Variants in WIF1 observed in about 807,000 individuals in gnomAD.
WIF1 encodes Wnt inhibitory factor 1.
In WIF1, 35 loss-of-function variants were observed where a neutral mutation model predicts 53.5. The ratio of observed to expected loss-of-function variants is 0.65; its 90% CI spans 0.50 to 0.87. The LOEUF (loss-of-function observed/expected upper bound fraction) is 0.87, where lower values mean the gene tolerates loss of function less well. Among genes scored for constraint, WIF1 ranks in the 40% least tolerant of loss-of-function variants. WIF1 has a pLI of 0.00. For missense variants in WIF1, 467 were observed against 476.8 expected, an observed-to-expected ratio of 0.98 and a Z score of 0.19; for synonymous variants, 171 against 170.4, an observed-to-expected ratio of 1.00 and a Z score of -0.03.
chr12:65,078,708 C>T (rs1882901403), intron 2 of WIF1, among the ~76,000 whole-genome samples: 3 of 152,118 alleles, frequency 2.0e-5, no homozygotes, highest in Admixed American at 2.0e-4. Context: ...CACAATAAGA[C>T]AACAAGCCAT....
intron 6 of WIF1, among the ~76,000 whole-genome samples, chr12:65,063,024 T>A (rs779930806): frequency 1.3e-5 from 2 of 152,146 alleles, no homozygotes; most frequent in African/African-American, 4.8e-5. Flanking sequence ...AAAAAGCAAC[T>A]TTCTTTCAGG....
intron 3 of WIF1, 109 bp from the exon 4 acceptor site, chr12:65,069,013 G>A: frequency 8.1e-7 from 1 of 1,234,536 alleles, no homozygotes; most frequent in Non-Finnish European, 1.1e-6. Flanking sequence ...ATGTTCACAT[G>A]TTGTGGATTT....
chr12:65,067,044 C>G (rs545810056), intron 5 of WIF1, among the ~76,000 whole-genome samples: 1 of 152,032 alleles, frequency 6.6e-6, no homozygotes, highest in East Asian at 1.9e-4. Context: ...AATATTTTCA[C>G]TTTGCCCCAT....
At chr12:65,086,691 T>C (rs1415025662) in intron 2 of WIF1, among the ~76,000 whole-genome samples, 1 of 141,512 alleles carries the variant, frequency 7.1e-6, no homozygotes, top group African/African-American at 2.5e-5. Context: ...ATCTCTTTCC[T>C]AGTGTTTCTT....
Position 65,066,668 on chromosome 12 carries a change from C to G in WIF1, c.703G>C (p.Gly235Arg). The G allele has an allele frequency of 1.9e-6, 3 of 1,610,262 alleles. No homozygotes were observed. Among genetic ancestry groups the G allele is most frequent in the Non-Finnish European group, 2.5e-6 (3 of 1,178,020 alleles). The change falls in exon 6 of 10, where the codon GGA (glycine) becomes CGA (arginine). Residue 235 changes from glycine (G) to arginine (R), a missense_variant. Gly to Arg is a moderately radical substitution (Grantham distance 125, BLOSUM62 -2). Transcript: ENST00000286574. ...TTGTCACAGTTCACTCCATAGAATC[C>G]AGGTGGGCAGATGCAGAAACCAGGA... ...VTPGFCICPP[G>R]FYGVNCDKAN...
At chr12:65,081,394 A>T (rs1404138239) in intron 2 of WIF1, among the ~76,000 whole-genome samples, 1 of 152,172 alleles carries the variant, frequency 6.6e-6, no homozygotes. Context: ...GGCCAGAAAC[A>T]TAACTTCACA....
At position 65,114,645 on chromosome 12, in the gene WIF1, G is replaced by A. The variant is rs115507091; in HGVS notation, c.288+5772C>T. 7.1e-3 allele frequency among the ~76,000 whole-genome samples: 1,082 copies of A among 152,274 alleles called. 9 individuals are homozygous for A. Among genetic ancestry groups the A allele is most frequent in the African/African-American group, 0.024 (996 of 41,562 alleles). ...AACTCATTTGTAATAAACCTTACAT[G>A]TTGGAAAATGTTTCACTTGATACGC... On this transcript the variant is annotated intron_variant, in intron 2 of 9. Transcript: ENST00000286574.
intron 9 of WIF1, chr12:65,054,019 C>T (rs1882485790): frequency 6.7e-6 from 1 of 150,310 alleles, no homozygotes; most frequent in Non-Finnish European, 1.5e-5. Flanking sequence ...CAGTTTGTAT[C>T]CATTACTTTG....
chr12:65,100,539 C>T (rs944906499), intron 2 of WIF1, among the ~76,000 whole-genome samples: 2 of 152,136 alleles, frequency 1.3e-5, no homozygotes, highest in African/African-American at 4.8e-5. Context: ...ACGAGCCATT[C>T]AGCAATAATG....
At chr12:65,061,303 AATACACTACTAT>A (rs1882608384) in intron 7 of WIF1, among the ~76,000 whole-genome samples, 1 of 152,216 alleles carries the variant, frequency 6.6e-6, no homozygotes, top group Non-Finnish European at 1.5e-5. Context: ...TTCAATCTAC[AATACACTACTAT>A]ATACACTACT....
At chr12:65,068,685 G>C in intron 4 of WIF1, 79 bp downstream of exon 4, 3 of 1,128,774 alleles carry the variant, frequency 2.7e-6, no homozygotes, top group Non-Finnish European at 2.5e-6. Context: ...GTGTGTGTGT[G>C]TATAGATATA....
chr12:65,099,331 C>T (rs1490395564), intron 2 of WIF1, among the ~76,000 whole-genome samples: 2 of 152,194 alleles, frequency 1.3e-5, no homozygotes, highest in South Asian at 4.1e-4. Flanking sequence ...TTCCCTCCAT[C>T]AGACCTGCCC....
intron 2 of WIF1, among the ~76,000 whole-genome samples, chr12:65,109,638 T>C (rs998839232): frequency 5.3e-5 from 8 of 152,256 alleles, no homozygotes; most frequent in Admixed American, 4.6e-4. Flanking sequence ...CTTTGAATTG[T>C]TACTTTTTGG....
intron 9 of WIF1, among the ~76,000 whole-genome samples, chr12:65,054,302 G>C (rs566227742): frequency 1.2e-3 from 183 of 152,248 alleles, no homozygotes; most frequent in Admixed American, 3.3e-3. Context: ...AGGAGACTGA[G>C]TTCTAGCTGC....
rs1250729336 is a variant in WIF1 at position 65,121,086 on chromosome 12, G to T, written c.106C>A (p.Leu36Met). 19 of 1,545,850 alleles carry T rather than the reference G, an allele frequency of 1.2e-5. No individual in the cohort carries two copies. The highest frequency in any genetic ancestry group is 5.9e-5 in the Admixed American group (3 of 50,550). ...AEAGPPQEES[L>M]YLWIDAHQAR... ...TGGTGAGCATCGATCCATAGGTACA[G>T]GCTCTCCTCCTGCGGCGGCCCGGCC... Residue 36 changes from leucine to methionine, a missense_variant, in exon 1 of 10, where the codon CTG becomes ATG. Coordinates refer to ENST00000286574, the MANE Select transcript of WIF1 (RefSeq NM_007191.5).
chr12:65,071,204 A>G (rs1036304539), intron 3 of WIF1, among the ~76,000 whole-genome samples: 11 of 143,314 alleles, frequency 7.7e-5, no homozygotes, highest in Middle Eastern at 7.5e-3. Context: ...ACTGCAGTCC[A>G]GCCTGGGCAA....
chr12:65,106,373 A>ATATATATATATTTTTT (rs1555188075), intron 2 of WIF1, among the ~76,000 whole-genome samples: 2 of 142,402 alleles, frequency 1.4e-5, no homozygotes, highest in African/African-American at 5.5e-5. Context: ...ATATATATAT[A>ATATATATATATTTTTT]TTTTTTTTTA....
At chr12:65,079,236 G>GAATATCGCC (rs59622206) in intron 2 of WIF1, among the ~76,000 whole-genome samples, 4,551 of 150,878 alleles carry the variant, frequency 0.03, 236 homozygotes, top group African/African-American at 0.11. Flanking sequence ...CAAGAAAAGG[G>GAATATCGCC]ATCAATGTTA....
At chr12:65,081,101 A>G (rs1882941997) in intron 2 of WIF1, among the ~76,000 whole-genome samples, 1 of 149,790 alleles carries the variant, frequency 6.7e-6, no homozygotes. Context: ...ATATCTTTTC[A>G]TGAAATAAGT....
Sources: allele counts gnomAD v4.1 joint callset (sites outside exome capture counted in the v4.1 genomes callset), GRCh38; gene constraint gnomAD v4.1.1; transcripts MANE v1.5; gene names NCBI Gene and HGNC (gene_info 2026-07-23, HGNC 2026-07-21).